The following IL17RD variants were observed in gnomAD, a reference collection of about 807,000 sequenced individuals.
The protein encoded by IL17RD is interleukin-17 receptor D.
A neutral mutation model predicts 80.5 loss-of-function variants in IL17RD; 52 were observed. The observed-to-expected ratio is 0.65, with a 90% CI of 0.52 to 0.81. The LOEUF (loss-of-function observed/expected upper bound fraction) is 0.81, where lower values mean the gene tolerates loss of function less well. Among genes scored for constraint, IL17RD ranks in the 40% least tolerant of loss-of-function variants. IL17RD has a pLI of 0.00. For missense variants in IL17RD, 1,024 were observed against 955.1 expected, an observed-to-expected ratio of 1.07 and a Z score of -0.95; for synonymous variants, 416 against 391.8, an observed-to-expected ratio of 1.06 and a Z score of -0.73.
intron 8 of IL17RD, among the ~76,000 whole-genome samples, chr3:57,103,710 T>G (rs938889548): frequency 6.6e-6 from 1 of 152,150 alleles, no homozygotes; most frequent in African/African-American, 2.4e-5. Context: ...AATGAAACAT[T>G]ACTTTTTTTT....
upstream of IL17RD, among the ~76,000 whole-genome samples, chr3:57,168,202 C>A (rs1223656289): frequency 6.6e-6 from 1 of 152,170 alleles, no homozygotes; most frequent in Non-Finnish European, 1.5e-5. Context: ...AGAAAGAGAA[C>A]CTCAAGGAGA....
At chr3:57,115,995 GA>G (rs900895279) in intron 2 of IL17RD, among the ~76,000 whole-genome samples, 13 of 152,172 alleles carry the variant, frequency 8.5e-5, no homozygotes, top group African/African-American at 3.1e-4. Flanking sequence ...AAGACTATAA[GA>G]AAAATATAAA....
At chr3:57,126,865 C>T (rs1199231330) in intron 1 of IL17RD, among the ~76,000 whole-genome samples, 1 of 151,820 alleles carries the variant, frequency 6.6e-6, no homozygotes, top group African/African-American at 2.4e-5. Context: ...TGCTTAGTTG[C>T]CTAGGCTGGA....
At position 57,116,000 on chromosome 3, in the gene IL17RD, A is replaced by G. The variant is rs568223788; in HGVS notation, c.185-1183T>C. On this transcript the variant is annotated intron_variant, in intron 2 of 12. Coordinates refer to ENST00000296318, the MANE Select transcript of IL17RD (RefSeq NM_017563.5). ...AAAACCACAAAAGACTATAAGAAAA[A>G]TATAAAAGGCATTCATAACCTCTTA... is the stretch of plus-strand genomic sequence containing the variant. Among the ~76,000 whole-genome samples the G allele has an allele frequency of 7.5e-4, 114 of 152,322 alleles. 2 individuals are homozygous for G. In the South Asian group the frequency reaches 0.023, roughly 31 times the overall value.
chr3:57,144,501 TTC>T (rs758291437), intron 1 of IL17RD, among the ~76,000 whole-genome samples: 8 of 152,212 alleles, frequency 5.3e-5, no homozygotes, highest in Non-Finnish European at 1.2e-4. Context: ...TGTTTTTATC[TTC>T]TCTGTCTCCC....
chr3:57,106,039 C>T (rs1706957362), intron 6 of IL17RD, 31 bp from the exon 7 acceptor site: 3 of 1,613,234 alleles, frequency 1.9e-6, no homozygotes, highest in African/African-American at 1.3e-5. Context: ...GAGTGAGCAA[C>T]CAGAGGCTAC....
upstream of IL17RD, among the ~76,000 whole-genome samples, chr3:57,168,396 C>T (rs1274575868): frequency 6.6e-6 from 1 of 152,186 alleles, no homozygotes; most frequent in Admixed American, 6.5e-5. Flanking sequence ...AAACATGCTG[C>T]AGGGTTCAGA....
chr3:57,127,342 A>G (rs1199425372), intron 1 of IL17RD, among the ~76,000 whole-genome samples: 4 of 105,744 alleles, frequency 3.8e-5, no homozygotes, highest in East Asian at 3.3e-4. Flanking sequence ...ATATAAAAAT[A>G]TATATAAATA....
At chr3:57,134,206 T>G (rs1707671859) in intron 1 of IL17RD, 1 of 688,138 alleles carries the variant, frequency 1.5e-6, no homozygotes, top group Admixed American at 1.8e-5. Context: ...AAGGTCTGGT[T>G]GGACCCCAAT....
intron 1 of IL17RD, among the ~76,000 whole-genome samples, chr3:57,148,098 G>T (rs377488251): frequency 3.5e-5 from 4 of 112,832 alleles, no homozygotes; most frequent in Admixed American, 9.3e-5. Context: ...TGGGGGGGGG[G>T]GGGGGGCGAT....
chr3:57,121,355 G>T (rs1204122790), intron 1 of IL17RD, among the ~76,000 whole-genome samples: 1 of 152,136 alleles, frequency 6.6e-6, no homozygotes, highest in African/African-American at 2.4e-5. Context: ...ACATCCATAT[G>T]CCACAGGCAT....
upstream of IL17RD, among the ~76,000 whole-genome samples, chr3:57,168,021 G>A (rs182424220): frequency 7.9e-3 from 1,207 of 152,204 alleles, 10 homozygotes; most frequent in Non-Finnish European, 0.013. Context: ...TAGTAGAGAC[G>A]TGGTTTCACC....
At chr3:57,130,630 C>T (rs1707586357) in intron 1 of IL17RD, among the ~76,000 whole-genome samples, 1 of 152,160 alleles carries the variant, frequency 6.6e-6, no homozygotes, top group Admixed American at 6.5e-5. Context: ...CTCTGACGGG[C>T]AGATGGGAGG....
At chr3:57,143,806 T>C (rs1171273636) in intron 1 of IL17RD, among the ~76,000 whole-genome samples, 1 of 152,182 alleles carries the variant, frequency 6.6e-6, no homozygotes, top group Non-Finnish European at 1.5e-5. Flanking sequence ...ACACCCGGCT[T>C]TTCTGAGTGA....
At chr3:57,099,346 G>A (rs1706774599) in intron 11 of IL17RD, among the ~76,000 whole-genome samples, 2 of 152,206 alleles carry the variant, frequency 1.3e-5, no homozygotes, top group African/African-American at 4.8e-5. Context: ...GGCTGACAAA[G>A]GAGAGAAAAA....
At chr3:57,103,496 CTTTAAGAAGGTG>C (rs1271040094) in intron 8 of IL17RD, among the ~76,000 whole-genome samples, 1 of 152,144 alleles carries the variant, frequency 6.6e-6, no homozygotes, top group Non-Finnish European at 1.5e-5. Flanking sequence ...TCCATTAATG[CTTTAAGAAGGTG>C]TATCAGTCAA....
At chr3:57,123,500 C>G (rs1206280982) in intron 1 of IL17RD, among the ~76,000 whole-genome samples, 2 of 152,226 alleles carry the variant, frequency 1.3e-5, no homozygotes, top group Non-Finnish European at 2.9e-5. Flanking sequence ...GTCCCCTCCC[C>G]TGGTGGGCTG....
intron 1 of IL17RD, among the ~76,000 whole-genome samples, chr3:57,144,018 C>G (rs1181651021): frequency 6.6e-6 from 1 of 152,192 alleles, no homozygotes; most frequent in Admixed American, 6.5e-5. Flanking sequence ...AAGATGTTCT[C>G]ACCAGAAGCC....
At chr3:57,125,268 G>A (rs143354918) in intron 1 of IL17RD, among the ~76,000 whole-genome samples, 3 of 152,122 alleles carry the variant, frequency 2.0e-5, no homozygotes, top group Non-Finnish European at 4.4e-5. Context: ...TTAGCCAGGC[G>A]TGGTGGTGGG....
Sources: allele counts gnomAD v4.1 joint callset (sites outside exome capture counted in the v4.1 genomes callset), GRCh38; gene constraint gnomAD v4.1.1; transcripts MANE v1.5; gene names NCBI Gene and HGNC (gene_info 2026-07-23, HGNC 2026-07-21).